Variants in SYT10 observed in about 807,000 individuals in gnomAD.
SYT10 encodes synaptotagmin-10.
In SYT10, 31 loss-of-function variants were observed where a neutral mutation model predicts 51.1. That is an observed-to-expected ratio of 0.61 (90% CI 0.46 to 0.82). The LOEUF (loss-of-function observed/expected upper bound fraction) is 0.82. SYT10 is among the 40% of genes least tolerant of loss of function. The pLI, the probability that SYT10 is intolerant of heterozygous loss-of-function variation, is 0.00. For missense variants in SYT10, 603 were observed against 634.0 expected, an observed-to-expected ratio of 0.95 and a Z score of 0.53; for synonymous variants, 233 against 225.9, an observed-to-expected ratio of 1.03 and a Z score of -0.28.
intron 2 of SYT10, among the ~76,000 whole-genome samples, chr12:33,420,186 G>A (rs902752546): frequency 3.3e-5 from 5 of 152,102 alleles, no homozygotes; most frequent in African/African-American, 1.2e-4. Context: ...GAAATTACCT[G>A]TTTTCAGATT....
chr12:33,387,726 C>T (rs1429799119), intron 3 of SYT10, among the ~76,000 whole-genome samples: 2 of 147,668 alleles, frequency 1.4e-5, no homozygotes, highest in African/African-American at 2.5e-5. Context: ...AGAAGGAACA[C>T]CCTTCTCTTC....
In SYT10 at chr12:33,376,541, C is replaced by A; in HGVS notation, c.*289G>T. 2 of 388,200 alleles carry A rather than the reference C, an allele frequency of 5.2e-6. No individual in the cohort carries two copies. The highest frequency in any genetic ancestry group is 9.4e-6 in the Non-Finnish European group (2 of 211,976). 24.0% of individuals were successfully genotyped at this position (388,200 alleles called of 1,614,324 possible). A position where few individuals can be genotyped will look rare whatever the true frequency, so the allele number is the denominator to read the frequency against. On this transcript the variant is annotated 3_prime_UTR_variant, in exon 7 of 7. Transcript: ENST00000228567. ...GGTAAGTATGAACTGTTTAAAAAAA[C>A]ATTTCATATGCAAAGAATTACAACA...
intron 2 of SYT10, among the ~76,000 whole-genome samples, chr12:33,411,288 CATA>C (rs144373633): frequency 0.03 from 4,488 of 152,014 alleles, 179 homozygotes; most frequent in East Asian, 0.13. Flanking sequence ...TTATATATAA[CATA>C]ATTATGTAAT....
intron 3 of SYT10, among the ~76,000 whole-genome samples, chr12:33,388,694 C>G (rs1866178647): frequency 6.6e-6 from 1 of 152,142 alleles, no homozygotes; most frequent in Non-Finnish European, 1.5e-5. Flanking sequence ...AACACTGAAG[C>G]TGGCTCAGAG....
chr12:33,401,710 A>T (rs1192621617), intron 3 of SYT10, among the ~76,000 whole-genome samples: 1 of 152,132 alleles, frequency 6.6e-6, no homozygotes, highest in Non-Finnish European at 1.5e-5. Flanking sequence ...ACACCTAAGC[A>T]TATCCTTGTT....
At chr12:33,423,620 T>C (rs575380185) in intron 2 of SYT10, among the ~76,000 whole-genome samples, 2 of 152,292 alleles carry the variant, frequency 1.3e-5, no homozygotes, top group African/African-American at 2.4e-5. Flanking sequence ...ATAATGACTC[T>C]AGTCATTCAT....
At chr12:33,405,510 C>G (rs1335444251) in intron 3 of SYT10, 1 of 151,994 alleles carries the variant, frequency 6.6e-6, no homozygotes, top group South Asian at 2.1e-4. Context: ...CAATATTGAA[C>G]TGGCAGTATA....
chr12:33,399,299 T>C (rs1380043927), intron 3 of SYT10, among the ~76,000 whole-genome samples: 1 of 152,218 alleles, frequency 6.6e-6, no homozygotes, highest in Non-Finnish European at 1.5e-5. Context: ...TAGATTTATC[T>C]AAAAAGCATG....
Position 33,375,274 on chromosome 12 carries a change from C to T in SYT10, c.*1556G>A, listed in dbSNP as rs566363841. 1 of 151,888 alleles carries T rather than the reference C, an allele frequency of 6.6e-6. No homozygotes were observed. The highest frequency in any genetic ancestry group is 1.5e-5 in the Non-Finnish European group (1 of 67,944). 9.4% of individuals were successfully genotyped at this position (151,888 alleles called of 1,614,324 possible). ...CTCTTAATTAACAGTAATGCCATCA[C>T]TATAAGAGATGTCAACAAAATTTCA... On this transcript the variant is annotated 3_prime_UTR_variant, in exon 7 of 7. Transcript: ENST00000228567.
intron 3 of SYT10, among the ~76,000 whole-genome samples, chr12:33,401,838 C>T (rs1257353144): frequency 1.3e-5 from 2 of 152,084 alleles, no homozygotes; most frequent in African/African-American, 4.8e-5. Context: ...AAATAACATT[C>T]AAAAAGCATT....
intron 4 of SYT10, among the ~76,000 whole-genome samples, chr12:33,382,964 C>A (rs927895420): frequency 2.0e-5 from 3 of 152,192 alleles, no homozygotes; most frequent in Admixed American, 6.5e-5. Context: ...TTAAAGATGG[C>A]CACACAAAAA....
chr12:33,385,342 C>A, intron 3 of SYT10, 51 bp from the exon 4 acceptor site: 2 of 1,596,834 alleles, frequency 1.3e-6, no homozygotes, highest in South Asian at 2.2e-5. Context: ...AGGGTGAAAA[C>A]CAAAAATAAT....
At chr12:33,421,571 A>G (rs1444980520) in intron 2 of SYT10, among the ~76,000 whole-genome samples, 1 of 152,176 alleles carries the variant, frequency 6.6e-6, no homozygotes, top group Non-Finnish European at 1.5e-5. Context: ...GATGTATTTA[A>G]AAAGGCAAAA....
chr12:33,377,604 G>A (rs1386813239), intron 6 of SYT10, among the ~76,000 whole-genome samples: 1 of 149,512 alleles, frequency 6.7e-6, no homozygotes, highest in Non-Finnish European at 1.5e-5. Flanking sequence ...CTAGATAAAA[G>A]GAACCTGATT....
chr12:33,409,266 G>T (rs1169582642), intron 2 of SYT10, among the ~76,000 whole-genome samples: 1 of 152,044 alleles, frequency 6.6e-6, no homozygotes, highest in Non-Finnish European at 1.5e-5. Flanking sequence ...ACCCAGGCTG[G>T]AGTGCAGTGA....
chr12:33,393,052 G>T (rs1337417009), intron 3 of SYT10, among the ~76,000 whole-genome samples: 4 of 127,788 alleles, frequency 3.1e-5, no homozygotes, highest in African/African-American at 1.3e-4. Flanking sequence ...CATCCTCATA[G>T]ATGCCAGAAT....
rs149441314 is a variant in SYT10 at position 33,421,398 on chromosome 12, A to C, written c.509+4740T>G. ...AAATCTATATAATTCCTCATCCTCA[A>C]CAAATTATTTTGCCAGTTACTATTC... is the stretch of plus-strand genomic sequence containing the variant. On this transcript the variant is annotated intron_variant, in intron 2 of 6. Transcript: ENST00000228567. Among the ~76,000 whole-genome samples the C allele has an allele frequency of 5.0e-3, 769 of 152,322 alleles. 3 individuals carry two copies. The highest frequency in any genetic ancestry group is 7.7e-3 in the Non-Finnish European group (523 of 68,030).
At chr12:33,387,338 T>G (rs1375519071) in intron 3 of SYT10, among the ~76,000 whole-genome samples, 4 of 152,208 alleles carry the variant, frequency 2.6e-5, no homozygotes, top group Non-Finnish European at 5.9e-5. Context: ...TCTCCAAAAT[T>G]TCATTTTCAA....
Position 33,407,095 on chromosome 12 carries a change from A to T in SYT10, c.771T>A (p.Asp257Glu), listed in dbSNP as rs1866361458. 3 of 1,613,636 alleles carry T rather than the reference A, an allele frequency of 1.9e-6. No individual in the cohort carries two copies. Among genetic ancestry groups the T allele is most frequent in the Non-Finnish European group, 2.5e-6 (3 of 1,179,924 alleles). The change falls in exon 3 of 7, where the codon GAT becomes GAA. Residue 257 changes from aspartate (D) to glutamate (E), a missense_variant. Physicochemically the swap from Asp to Glu is conservative, Grantham distance 45. Transcript: ENST00000228567. Reference sequence around the variant, plus strand: ...TTCCTGTGAAGTCTTTAGCAGGGAGATCTAAAGCTTTGATAATTTTAACAA... The same window carrying T: ...TTCCTGTGAAGTCTTTAGCAGGGAGTTCTAAAGCTTTGATAATTTTAACAA... Reference protein sequence around the residue: ...LLVVKIIKALDLPAKDFTGTS... With the variant: ...LLVVKIIKALELPAKDFTGTS...
Sources: allele counts gnomAD v4.1 joint callset (sites outside exome capture counted in the v4.1 genomes callset), GRCh38; gene constraint gnomAD v4.1.1; transcripts MANE v1.5; gene names NCBI Gene and HGNC (gene_info 2026-07-23, HGNC 2026-07-21).